The following CDYL2 variants were observed in gnomAD, a reference collection of about 807,000 sequenced individuals.
CDYL2 encodes the protein chromodomain Y-like protein 2.
A neutral mutation model predicts 49.4 loss-of-function variants in CDYL2; 23 were observed. The ratio of observed to expected loss-of-function variants is 0.47; its 90% confidence interval spans 0.34 to 0.66. CDYL2 has a LOEUF of 0.66. CDYL2 is among the 30% of genes least tolerant of loss of function. The pLI is 0.01. For missense variants in CDYL2, 678 were observed against 656.4 expected (o/e 1.03, Z -0.36); for synonymous variants, 360 against 268.8 (o/e 1.34, Z -3.32).
chr16:80,738,440 G>C (rs1905617256), intron 1 of CDYL2, among the ~76,000 whole-genome samples: 4 of 152,004 alleles, frequency 2.6e-5, no homozygotes, highest in African/African-American at 9.7e-5. Flanking sequence ...AAAAAGAAAT[G>C]AGTACTAATG....
intron 2 of CDYL2, among the ~76,000 whole-genome samples, chr16:80,668,391 G>A (rs920698652): frequency 9.2e-5 from 14 of 152,226 alleles, no homozygotes; most frequent in African/African-American, 3.4e-4. Context: ...TACATGGAGA[G>A]AGAAAGAAAT....
At chr16:80,755,505 C>G (rs1344668704) in intron 1 of CDYL2, among the ~76,000 whole-genome samples, 2 of 152,176 alleles carry the variant, frequency 1.3e-5, no homozygotes, top group African/African-American at 4.8e-5. Flanking sequence ...TTCACAGGGC[C>G]AATAAAGAAT....
At chr16:80,654,663 G>A (rs1908728793) in intron 2 of CDYL2, among the ~76,000 whole-genome samples, 1 of 152,148 alleles carries the variant, frequency 6.6e-6, no homozygotes, top group African/African-American at 2.4e-5. Flanking sequence ...CTAAGGCAGG[G>A]ACCAGAAAAC....
intron 1 of CDYL2, among the ~76,000 whole-genome samples, chr16:80,797,246 C>T (rs1907793209): frequency 6.6e-6 from 1 of 152,218 alleles, no homozygotes; most frequent in Non-Finnish European, 1.5e-5. Flanking sequence ...TCAACAAACA[C>T]TCCAAACTCA....
chr16:80,679,457 C>T (rs1414998932), intron 2 of CDYL2, among the ~76,000 whole-genome samples: 1 of 152,066 alleles, frequency 6.6e-6, no homozygotes, highest in Non-Finnish European at 1.5e-5. Flanking sequence ...GTTAAATTTG[C>T]AGTCAAATTG....
chr16:80,632,177 A>G (rs184468814), intron 3 of CDYL2, among the ~76,000 whole-genome samples: 3 of 152,234 alleles, frequency 2.0e-5, no homozygotes, highest in Non-Finnish European at 4.4e-5. Flanking sequence ...AAGTCGAACA[A>G]ATAGAAAAGG....
At chr16:80,664,515 G>T (rs1170999344) in intron 2 of CDYL2, among the ~76,000 whole-genome samples, 1 of 152,180 alleles carries the variant, frequency 6.6e-6, no homozygotes, top group South Asian at 2.1e-4. Context: ...TGAGTTCTTT[G>T]GAAGACACGG....
At chr16:80,787,576 T>C (rs1157846730) in intron 1 of CDYL2, among the ~76,000 whole-genome samples, 3 of 152,100 alleles carry the variant, frequency 2.0e-5, no homozygotes, top group Admixed American at 6.6e-5. Context: ...CTAGGACAGA[T>C]ATAAAATATG....
At chr16:80,723,997 A>C (rs923578147) in intron 1 of CDYL2, among the ~76,000 whole-genome samples, 1 of 150,400 alleles carries the variant, frequency 6.6e-6, no homozygotes, top group Non-Finnish European at 1.5e-5. Flanking sequence ...CAAGGAGAGA[A>C]AGAGGAAGAA....
intron 2 of CDYL2, among the ~76,000 whole-genome samples, chr16:80,671,145 T>C (rs986579399): frequency 6.6e-6 from 1 of 152,148 alleles, no homozygotes; most frequent in East Asian, 1.9e-4. Flanking sequence ...GGGCTCCTTA[T>C]TAATAGCTCT....
rs530211729 is a variant in CDYL2, at chr16:80,714,893, T to A, written c.25-29764A>T. Among the ~76,000 whole-genome samples the A allele has an allele frequency of 3.9e-5, 6 of 152,200 alleles. No homozygotes were observed. The East Asian group carries it at 7.8e-4, about 20-fold the overall frequency. ...AAAGCTCCTTTAGTGGCCAGGCAGA[T>A]TTCTCGAGCAGGATTAAAAGGTGTT... is the stretch of plus-strand genomic sequence containing the variant. On this transcript the variant is annotated intron_variant, in intron 1 of 6. Transcript: ENST00000570137.
intron 2 of CDYL2, among the ~76,000 whole-genome samples, chr16:80,647,756 C>T (rs925496254): frequency 6.6e-6 from 1 of 152,122 alleles, no homozygotes; most frequent in African/African-American, 2.4e-5. Context: ...ATGGATCATT[C>T]TCTAGGACAG....
chr16:80,643,981 A>C (rs1361563383), intron 2 of CDYL2, among the ~76,000 whole-genome samples: 1 of 152,200 alleles, frequency 6.6e-6, no homozygotes, highest in Non-Finnish European at 1.5e-5. Context: ...AAACAAAAAA[A>C]TGGGTTTTCT....
intron 2 of CDYL2, among the ~76,000 whole-genome samples, chr16:80,641,381 A>T (rs1216817149): frequency 6.6e-6 from 1 of 152,218 alleles, no homozygotes; most frequent in African/African-American, 2.4e-5. Context: ...CTAGTATAGT[A>T]TATCTGGTGA....
chr16:80,763,960 G>A (rs1474086007), intron 1 of CDYL2, among the ~76,000 whole-genome samples: 1 of 152,042 alleles, frequency 6.6e-6, no homozygotes, highest in Non-Finnish European at 1.5e-5. Context: ...GGTAGAGAGG[G>A]AAAGAGGGGT....
chr16:80,717,513 T>A (rs1375616136), intron 1 of CDYL2, among the ~76,000 whole-genome samples: 1 of 152,196 alleles, frequency 6.6e-6, no homozygotes, highest in African/African-American at 2.4e-5. Flanking sequence ...CAGCCCCCAG[T>A]CCTCTTCCAA....
At chr16:80,734,000 G>T (rs957077077) in intron 1 of CDYL2, among the ~76,000 whole-genome samples, 4 of 152,128 alleles carry the variant, frequency 2.6e-5, no homozygotes, top group African/African-American at 9.7e-5. Flanking sequence ...TGGGAAACTG[G>T]CTTTGCTAAC....
chr16:80,743,949 T>C (rs984076791), intron 1 of CDYL2, among the ~76,000 whole-genome samples: 4 of 152,120 alleles, frequency 2.6e-5, no homozygotes, highest in Non-Finnish European at 5.9e-5. Flanking sequence ...CTATTCCTCC[T>C]GCCTCTTCTG....
chr16:80,690,136 A>AAAT (rs1322647972), intron 1 of CDYL2, among the ~76,000 whole-genome samples: 5 of 150,090 alleles, frequency 3.3e-5, no homozygotes, highest in African/African-American at 1.3e-4. Context: ...TAAAAAAAAA[A>AAAT]TAAAAAAATA....
Sources: allele counts gnomAD v4.1 joint callset (sites outside exome capture counted in the v4.1 genomes callset), GRCh38; gene constraint gnomAD v4.1.1; transcripts MANE v1.5; gene names NCBI Gene and HGNC (gene_info 2026-07-23, HGNC 2026-07-21).